SENP6: variants seen among roughly 807,000 people sequenced by gnomAD.
The protein encoded by SENP6 is SUMO specific peptidase 6, also known as sentrin-specific protease 6.
A neutral mutation model predicts 134.5 loss-of-function variants in SENP6; 41 were observed. The ratio of observed to expected loss-of-function variants is 0.30; its 90% CI spans 0.24 to 0.40. SENP6 has a LOEUF of 0.40. Ranked by LOEUF, SENP6 falls within the 10% of genes least tolerant of loss-of-function variation. The probability of loss-of-function intolerance (pLI) is 1.00; values close to 1 mark genes in which losing one functional copy is unlikely to be tolerated. For missense variants in SENP6, 1,248 were observed against 1,312.5 expected (o/e 0.95, Z 0.76); for synonymous variants, 395 against 429.8 (o/e 0.92, Z 1.00).
chr6:75,635,057 T>G, intron 5 of SENP6: 1 of 551,852 alleles, frequency 1.8e-6, no homozygotes, highest in Non-Finnish European at 3.3e-6. Flanking sequence ...CCAGAGAATC[T>G]AAGATGATAC....
At chr6:75,688,870 C>T (rs1326311521) in intron 16 of SENP6, among the ~76,000 whole-genome samples, 1 of 152,232 alleles carries the variant, frequency 6.6e-6, no homozygotes, top group Non-Finnish European at 1.5e-5. Context: ...GAGGTGAAAC[C>T]AACCTGACCA....
In SENP6 at chr6:75,717,570, A is replaced by G. The variant is rs1436793448; in HGVS notation, c.*1976A>G. The stretch of plus-strand genomic sequence containing the variant: ...GAAGTTATGCTAGTGACATTGCAAT[A>G]TATATTGAAATCTTCGGAGGCTGCC... On this transcript the variant is annotated 3_prime_UTR_variant, in exon 24 of 24. Coordinates refer to ENST00000447266, the MANE Select transcript of SENP6 (RefSeq NM_015571.4). The G allele has an allele frequency of 6.6e-6, 1 of 152,078 alleles. No individual in the cohort carries two copies. Among genetic ancestry groups the G allele is most frequent in the East Asian group, 1.9e-4 (1 of 5,198 alleles). 9.4% of individuals were successfully genotyped at this position (152,078 alleles called of 1,614,324 possible).
At chr6:75,686,079 C>T (rs1167045216) in intron 16 of SENP6, among the ~76,000 whole-genome samples, 2 of 149,232 alleles carry the variant, frequency 1.3e-5, no homozygotes, top group South Asian at 2.1e-4. Flanking sequence ...CTGGGTGCTC[C>T]TGTATTGGGT....
At chr6:75,666,118 A>T (rs1238753653) in intron 9 of SENP6, among the ~76,000 whole-genome samples, 1 of 143,466 alleles carries the variant, frequency 7.0e-6, no homozygotes, top group Non-Finnish European at 1.5e-5. Context: ...TGTATATATG[A>T]TATATATAAA....
chr6:75,655,681 A>T (rs1273424236), intron 7 of SENP6, among the ~76,000 whole-genome samples: 1 of 152,218 alleles, frequency 6.6e-6, no homozygotes, highest in Non-Finnish European at 1.5e-5. Context: ...CAAGTTATTT[A>T]TCGATTTTCC....
chr6:75,644,784 C>T (rs1033374464), intron 6 of SENP6, among the ~76,000 whole-genome samples: 4 of 152,176 alleles, frequency 2.6e-5, no homozygotes, highest in South Asian at 2.1e-4. Context: ...CTTGCCCAGC[C>T]GGTAAATTTC....
intron 7 of SENP6, among the ~76,000 whole-genome samples, chr6:75,651,115 T>C (rs1048362970): frequency 6.6e-6 from 1 of 152,184 alleles, no homozygotes; most frequent in African/African-American, 2.4e-5. Flanking sequence ...TTTAGTTGCT[T>C]TAAAAATTTT....
chr6:75,674,869 TG>T (rs1772966129), intron 11 of SENP6, among the ~76,000 whole-genome samples: 1 of 152,238 alleles, frequency 6.6e-6, no homozygotes, highest in African/African-American at 2.4e-5. Context: ...AGCATTTTAT[TG>T]TATTTGCTTT....
rs143227035 is a variant in SENP6, at chr6:75,627,661, G to A, written c.207+3701G>A. Among the ~76,000 whole-genome samples, 53 of 152,234 alleles carry A rather than the reference G, an allele frequency of 3.5e-4. No individual in the cohort carries two copies. In the East Asian group the frequency reaches 9.8e-3, roughly 28 times the overall value. On this transcript the variant is annotated intron_variant, in intron 3 of 23. Transcript: ENST00000447266. ...ACTTATATAGGGCATTGGTCTTCAT[G>A]TACACATATGTAGCTTTCAGATTGC...
chr6:75,648,321 A>C (rs2149849937), intron 7 of SENP6, among the ~76,000 whole-genome samples: 1 of 152,286 alleles, frequency 6.6e-6, no homozygotes, highest in Non-Finnish European at 1.5e-5. Flanking sequence ...AGGGCAAATA[A>C]CATTTATAAA....
At chr6:75,629,796 A>G (rs1401288136) in intron 3 of SENP6, among the ~76,000 whole-genome samples, 1 of 152,190 alleles carries the variant, frequency 6.6e-6, no homozygotes, top group Non-Finnish European at 1.5e-5. Context: ...TAATAGAGTA[A>G]AAATTAATAT....
At chr6:75,693,101 A>G (rs1411881237) in intron 16 of SENP6, among the ~76,000 whole-genome samples, 3 of 152,094 alleles carry the variant, frequency 2.0e-5, no homozygotes, top group South Asian at 2.1e-4. Context: ...GTTAAGTTTT[A>G]TAAAACAGCC....
chr6:75,651,092 TGTTGCTTTTTTATTTA>T (rs1328161629), intron 7 of SENP6, among the ~76,000 whole-genome samples: 2 of 152,180 alleles, frequency 1.3e-5, no homozygotes, highest in Non-Finnish European at 2.9e-5. Flanking sequence ...CCACAAGTCC[TGTTGCTTTTTTATTTA>T]GTTGCTTTAA....
At chr6:75,649,915 G>GT (rs1442193708) in intron 7 of SENP6, among the ~76,000 whole-genome samples, 1 of 152,166 alleles carries the variant, frequency 6.6e-6, no homozygotes, top group East Asian at 1.9e-4. Flanking sequence ...CTTAATGTTA[G>GT]TATTTTATAA....
intron 11 of SENP6, among the ~76,000 whole-genome samples, 193 bp downstream of exon 11, chr6:75,670,913 A>G (rs1013310155): frequency 1.3e-5 from 2 of 149,492 alleles, no homozygotes; most frequent in African/African-American, 2.4e-5. Context: ...AAACCTTCCA[A>G]TATGTTATTG....
intron 3 of SENP6, among the ~76,000 whole-genome samples, chr6:75,630,097 C>G (rs779827893): frequency 4.9e-5 from 7 of 143,100 alleles, no homozygotes; most frequent in Non-Finnish European, 9.0e-5. Context: ...GAGATGGAGT[C>G]TCGCTCTTGC....
chr6:75,608,386 C>G (rs35973114), intron 1 of SENP6, among the ~76,000 whole-genome samples: 14,590 of 151,520 alleles, frequency 0.096, 724 homozygotes, highest in Non-Finnish European at 0.11. Context: ...GCTTGTTGCT[C>G]GAGCCCAGGA....
chr6:75,610,062 A>G (rs953412867), intron 1 of SENP6, among the ~76,000 whole-genome samples: 3 of 152,206 alleles, frequency 2.0e-5, no homozygotes, highest in African/African-American at 7.2e-5. Context: ...TGCTGGGATT[A>G]GAAGTGTGAG....
intron 2 of SENP6, among the ~76,000 whole-genome samples, chr6:75,623,698 A>T (rs1265949738): frequency 6.6e-6 from 1 of 152,186 alleles, no homozygotes; most frequent in Non-Finnish European, 1.5e-5. Flanking sequence ...ACATAGCCAC[A>T]TGTATTGTTT....
Sources: allele counts gnomAD v4.1 joint callset (sites outside exome capture counted in the v4.1 genomes callset), GRCh38; gene constraint gnomAD v4.1.1; transcripts MANE v1.5; gene names NCBI Gene and HGNC (gene_info 2026-07-23, HGNC 2026-07-21).